The following XYLT1 variants were observed in gnomAD, a reference collection of about 807,000 sequenced individuals.
XYLT1 encodes xylosyltransferase 1, also known as beta-D-xylosyltransferase 1.
XYLT1 carries 36 observed loss-of-function variants against 91.3 expected under a neutral mutation model. That is an observed-to-expected ratio of 0.39 (90% CI 0.30 to 0.52). The LOEUF (loss-of-function observed/expected upper bound fraction) is 0.52. XYLT1 is among the 20% of genes least tolerant of loss of function. The probability of loss-of-function intolerance (pLI) is 0.68; values close to 1 mark genes in which losing one functional copy is unlikely to be tolerated. For missense variants in XYLT1, 1,242 were observed against 1,284.5 expected (o/e 0.97, Z 0.51); for synonymous variants, 588 against 532.0 (o/e 1.11, Z -1.45).
chr16:17,330,630 T>TA (rs58404938), intron 2 of XYLT1, among the ~76,000 whole-genome samples: 8,219 of 136,700 alleles, frequency 0.06, 760 homozygotes, highest in African/African-American at 0.2. Flanking sequence ...CTACTAAAAA[T>TA]AAAAAAAAAA....
chr16:17,318,324 C>T (rs2034667300), intron 2 of XYLT1, among the ~76,000 whole-genome samples: 1 of 152,370 alleles, frequency 6.6e-6, no homozygotes, highest in Non-Finnish European at 1.5e-5. Flanking sequence ...GAATCAGCAG[C>T]TCCTGTTCAA....
At chr16:17,115,107 G>A (rs1966849204) in intron 11 of XYLT1, among the ~76,000 whole-genome samples, 1 of 152,012 alleles carries the variant, frequency 6.6e-6, no homozygotes, top group Non-Finnish European at 1.5e-5. Flanking sequence ...GCCTCCCAGT[G>A]TGCTGGGATT....
chr16:17,274,885 C>A (rs886817310), intron 2 of XYLT1, among the ~76,000 whole-genome samples: 5 of 152,038 alleles, frequency 3.3e-5, no homozygotes, highest in Non-Finnish European at 5.9e-5. Context: ...CTTTAAAACT[C>A]TCAGAGCAGG....
intron 5 of XYLT1, among the ~76,000 whole-genome samples, chr16:17,192,356 C>T (rs1381375489): frequency 1.3e-5 from 2 of 152,134 alleles, no homozygotes; most frequent in Admixed American, 6.6e-5. Context: ...ATCTTGGCCT[C>T]CCAAAGTGCT....
intron 1 of XYLT1, among the ~76,000 whole-genome samples, chr16:17,395,790 A>G (rs1028865761): frequency 6.6e-6 from 1 of 152,144 alleles, no homozygotes; most frequent in Admixed American, 6.6e-5. Context: ...ATCGGAATCA[A>G]TTTACCATAT....
chr16:17,168,165 A>T (rs890913628), intron 5 of XYLT1, among the ~76,000 whole-genome samples: 2 of 152,226 alleles, frequency 1.3e-5, no homozygotes, highest in African/African-American at 4.8e-5. Context: ...AGCACTATTA[A>T]CAATAGTAAA....
intron 3 of XYLT1, among the ~76,000 whole-genome samples, chr16:17,226,450 G>A (rs1386435886): frequency 6.6e-6 from 1 of 152,290 alleles, no homozygotes; most frequent in East Asian, 1.9e-4. Flanking sequence ...CTCTGGACTC[G>A]ATCCACTAAA....
At chr16:17,425,118 G>T (rs148789524) in intron 1 of XYLT1, among the ~76,000 whole-genome samples, 23 of 152,292 alleles carry the variant, frequency 1.5e-4, no homozygotes, top group African/African-American at 5.5e-4. Flanking sequence ...CACCAGGGTG[G>T]TAAGGAGGAA....
intron 1 of XYLT1, among the ~76,000 whole-genome samples, chr16:17,459,822 G>T (rs1198496244): frequency 6.6e-6 from 1 of 152,128 alleles, no homozygotes; most frequent in Admixed American, 6.5e-5. Context: ...ACCCCAACCA[G>T]TATCTGATGA....
chr16:17,109,059 C>A, intron 11 of XYLT1, 42 bp from the exon 12 acceptor site: 1 of 1,482,686 alleles, frequency 6.7e-7, no homozygotes, highest in South Asian at 1.5e-5. Flanking sequence ...GAAGAGCCAC[C>A]AATAGGATGC....
chr16:17,271,485 CAG>C (rs1312102880), intron 2 of XYLT1, among the ~76,000 whole-genome samples: 3 of 152,170 alleles, frequency 2.0e-5, no homozygotes, highest in Non-Finnish European at 4.4e-5. Flanking sequence ...CAGATAGGCA[CAG>C]AGAGAATGTG....
rs533108500 is a variant in XYLT1 at position 17,351,024 on chromosome 16, T to A, written c.402+6988A>T. Among the ~76,000 whole-genome samples the A allele has an allele frequency of 1.7e-4, 26 of 150,988 alleles. 1 individual carries two copies. The South Asian group carries it at 2.1e-3, about 12-fold the overall frequency. ...AAGTAGCTGGATTAAGAAAAAAAAA[T>A]TTTTTTTTTAACTCTGCACATTCTT... On this transcript the variant is annotated intron_variant, in intron 2 of 11. Coordinates refer to ENST00000261381, the MANE Select transcript of XYLT1 (RefSeq NM_022166.4).
chr16:17,356,374 T>C (rs925353364), intron 2 of XYLT1, among the ~76,000 whole-genome samples: 1 of 152,084 alleles, frequency 6.6e-6, no homozygotes, highest in African/African-American at 2.4e-5. Flanking sequence ...ACCGAATCCT[T>C]TTCCTCCTCA....
intron 2 of XYLT1, among the ~76,000 whole-genome samples, chr16:17,261,951 G>A (rs768025653): frequency 6.6e-6 from 1 of 152,088 alleles, no homozygotes; most frequent in Non-Finnish European, 1.5e-5. Flanking sequence ...CCTTCAGTTG[G>A]TACCTAGAGT....
chr16:17,388,698 C>A (rs898169289), intron 1 of XYLT1, among the ~76,000 whole-genome samples: 4 of 152,150 alleles, frequency 2.6e-5, no homozygotes, highest in Non-Finnish European at 4.4e-5. Flanking sequence ...CCTGAAGCAT[C>A]TCAAAGGCTA....
chr16:17,330,281 C>A (rs966256401), intron 2 of XYLT1, among the ~76,000 whole-genome samples: 6 of 152,184 alleles, frequency 3.9e-5, no homozygotes, highest in Admixed American at 1.3e-4. Context: ...GTTGGGCTCC[C>A]CAAGGTCCTT....
At chr16:17,238,484 T>C (rs1038408781) in intron 3 of XYLT1, among the ~76,000 whole-genome samples, 4 of 152,232 alleles carry the variant, frequency 2.6e-5, no homozygotes, top group Admixed American at 2.0e-4. Flanking sequence ...CCACAGATGA[T>C]GCATAAATGA....
chr16:17,315,078 A>G (rs891596286), intron 2 of XYLT1, among the ~76,000 whole-genome samples: 2 of 152,230 alleles, frequency 1.3e-5, no homozygotes, highest in Non-Finnish European at 2.9e-5. Context: ...TCTGGGAGCT[A>G]TGCTGGGGAT....
At chr16:17,391,797 GT>G in intron 1 of XYLT1, among the ~76,000 whole-genome samples, 1 of 152,270 alleles carries the variant, frequency 6.6e-6, no homozygotes, top group East Asian at 1.9e-4. Context: ...CATGGGGGTA[GT>G]TTCCCCCCAT....
Sources: gnomAD v4.1 joint callset for allele counts (sites outside exome capture counted in the v4.1 genomes callset) on GRCh38, gnomAD v4.1.1 for gene constraint, MANE v1.5 for transcripts, NCBI Gene and HGNC (gene_info 2026-07-23, HGNC 2026-07-21) for gene names.